The following VTI1A variants were observed in gnomAD, a reference collection of about 807,000 sequenced individuals.
VTI1A encodes vesicle transport through interaction with t-SNAREs homolog 1A.
In VTI1A, 22 loss-of-function variants were observed where a neutral mutation model predicts 34.9. That is an observed-to-expected ratio of 0.63 (90% CI 0.45 to 0.90). The LOEUF is 0.90. VTI1A is among the 40% of genes least tolerant of loss of function. The pLI, the probability that VTI1A is intolerant of heterozygous loss-of-function variation, is 0.00. For missense variants in VTI1A, 268 were observed against 275.6 expected, an observed-to-expected ratio of 0.97 and a Z score of 0.20; for synonymous variants, 87 against 97.3, an observed-to-expected ratio of 0.89 and a Z score of 0.62.
In VTI1A at chr10:112,651,914, G is replaced by A. The variant is rs7923060; in HGVS notation, c.428-16304G>A. On this transcript the variant is annotated intron_variant, in intron 5 of 7. Coordinates refer to ENST00000393077, the MANE Select transcript of VTI1A (RefSeq NM_145206.4). ...ACTTGGTATATTTCTGCAAACTTCCGCAGAACGTTAGCCTCAGCCAGAAAT... is the reference window on the plus strand; with the variant it reads ...ACTTGGTATATTTCTGCAAACTTCCACAGAACGTTAGCCTCAGCCAGAAAT... 4.8e-3 allele frequency among the ~76,000 whole-genome samples: 727 copies of A among 152,244 alleles called. 6 individuals carry two copies. Among genetic ancestry groups the A allele is most frequent in the African/African-American group, 0.017 (694 of 41,542 alleles).
chr10:112,686,581 C>G (rs7085980), intron 7 of VTI1A, among the ~76,000 whole-genome samples: 1 of 152,106 alleles, frequency 6.6e-6, no homozygotes, highest in African/African-American at 2.4e-5. Flanking sequence ...TGAATTCCGA[C>G]GTGCTAGTTT....
chr10:112,457,578 A>AG (rs1475349515), intron 1 of VTI1A, among the ~76,000 whole-genome samples: 10 of 152,234 alleles, frequency 6.6e-5, no homozygotes, highest in African/African-American at 2.2e-4. Context: ...GAGGTTTGCC[A>AG]GGTGGGCCTG....
At chr10:112,616,360 C>G (rs147443516) in intron 5 of VTI1A, among the ~76,000 whole-genome samples, 2 of 152,172 alleles carry the variant, frequency 1.3e-5, no homozygotes. Context: ...TAGCTAAATT[C>G]GAAACTCTTC....
chr10:112,704,849 C>T (rs1849138151), intron 7 of VTI1A, among the ~76,000 whole-genome samples: 1 of 151,838 alleles, frequency 6.6e-6, no homozygotes, highest in South Asian at 2.1e-4. Flanking sequence ...ATGGATACCT[C>T]TTATGAGGTA....
At chr10:112,540,505 T>C (rs1850826002) in intron 5 of VTI1A, among the ~76,000 whole-genome samples, 1 of 152,214 alleles carries the variant, frequency 6.6e-6, no homozygotes, top group South Asian at 2.1e-4. Flanking sequence ...TAAAGACAGA[T>C]GTGGCTCAGC....
intron 4 of VTI1A, among the ~76,000 whole-genome samples, chr10:112,529,655 C>G (rs1850356763): frequency 6.6e-6 from 1 of 151,730 alleles, no homozygotes; most frequent in South Asian, 2.1e-4. Context: ...GGAATACTAA[C>G]TATATAAATG....
chr10:112,846,358 G>C, the VTI1A span, among the ~76,000 whole-genome samples: 1 of 152,308 alleles, frequency 6.6e-6, no homozygotes, highest in East Asian at 1.9e-4. Context: ...CGGGAGATTG[G>C]CACAAGCACG....
intron 3 of VTI1A, among the ~76,000 whole-genome samples, chr10:112,471,171 G>T (rs903412756): frequency 6.6e-6 from 1 of 151,928 alleles, no homozygotes; most frequent in African/African-American, 2.4e-5. Context: ...TCTTCATTAC[G>T]GTGGCTTATC....
chr10:112,773,231 A>C (rs1164870233), intron 7 of VTI1A, among the ~76,000 whole-genome samples: 1 of 152,228 alleles, frequency 6.6e-6, no homozygotes, highest in Non-Finnish European at 1.5e-5. Context: ...TCTCTAAGGT[A>C]GGATAATAAT....
intron 3 of VTI1A, among the ~76,000 whole-genome samples, chr10:112,519,563 T>C (rs903679370): frequency 6.6e-6 from 1 of 152,104 alleles, no homozygotes; most frequent in Non-Finnish European, 1.5e-5. Context: ...TGATGATAAG[T>C]TGATAGAACT....
intron 7 of VTI1A, among the ~76,000 whole-genome samples, chr10:112,709,204 G>T (rs1849311769): frequency 1.3e-5 from 2 of 152,148 alleles, no homozygotes; most frequent in South Asian, 4.2e-4. Flanking sequence ...CCAGGAATTG[G>T]CTCCCTTTTT....
In VTI1A at chr10:112,818,068, C is replaced by T. The variant is rs928105161; in HGVS notation, c.*2685C>T. The T allele has an allele frequency of 4.3e-5, 10 of 233,332 alleles. No individual in the cohort carries two copies. Among genetic ancestry groups the T allele is most frequent in the Non-Finnish European group, 7.6e-5 (9 of 117,888 alleles). 14.5% of individuals were successfully genotyped at this position (233,332 alleles called of 1,614,324 possible). ...ATGCCTGCAAATGCAGTGGGTCTGACGTCAGCTGCCGGGCCTGGGCTGGGA... is the reference window on the plus strand; with the variant it reads ...ATGCCTGCAAATGCAGTGGGTCTGATGTCAGCTGCCGGGCCTGGGCTGGGA... On this transcript the variant is annotated 3_prime_UTR_variant, in exon 8 of 8. Transcript: ENST00000393077.
chr10:112,607,700 T>C (rs1323439208), intron 5 of VTI1A, among the ~76,000 whole-genome samples: 1 of 152,166 alleles, frequency 6.6e-6, no homozygotes, highest in Non-Finnish European at 1.5e-5. Flanking sequence ...TCTGACTCGG[T>C]CTCTCGGACT....
At chr10:112,810,687 C>G (rs949041604) in intron 7 of VTI1A, among the ~76,000 whole-genome samples, 2 of 152,182 alleles carry the variant, frequency 1.3e-5, no homozygotes, top group African/African-American at 4.8e-5. Context: ...ACCATCTCAG[C>G]CTCAGTCACA....
intron 7 of VTI1A, among the ~76,000 whole-genome samples, chr10:112,755,584 A>G (rs1851257050): frequency 6.6e-6 from 1 of 152,178 alleles, no homozygotes; most frequent in South Asian, 2.1e-4. Context: ...TAATCCCAAA[A>G]CAGTTTTCTG....
chr10:112,457,911 A>G (rs1040480179), intron 1 of VTI1A, among the ~76,000 whole-genome samples: 5 of 152,186 alleles, frequency 3.3e-5, no homozygotes, highest in Non-Finnish European at 7.3e-5. Context: ...AGAAACCACA[A>G]GATTAAATAA....
At position 112,568,405 on chromosome 10, in the gene VTI1A, G is replaced by C. The variant is rs571035464; in HGVS notation, c.427+30075G>C. On this transcript the variant is annotated intron_variant, in intron 5 of 7. Transcript: ENST00000393077. The stretch of plus-strand genomic sequence containing the variant: ...GCCTGTAATCCCAGTTACTCGAGAG[G>C]CTGAGGCAGGAGAATCTCTTGAGCC... 7.2e-5 allele frequency among the ~76,000 whole-genome samples: 11 copies of C among 152,170 alleles called. 1 individual carries two copies. Among genetic ancestry groups the C allele is most frequent in the African/African-American group, 2.4e-4 (10 of 41,502 alleles).
chr10:112,545,564 A>G (rs192653013), intron 5 of VTI1A, among the ~76,000 whole-genome samples: 21 of 152,356 alleles, frequency 1.4e-4, no homozygotes, highest in Non-Finnish European at 2.4e-4. Context: ...TTTTGCATCA[A>G]TCTAAAGAGG....
chr10:112,671,082 C>T lies in VTI1A; in HGVS notation c.560+2084C>T, dbSNP rs114498012. ...TGAAAAGGCACAAACATTTTGCCAA[C>T]CTCTCTGCTTCATTATTTTGGTTAT... On this transcript the variant is annotated intron_variant, in intron 7 of 7. Coordinates refer to ENST00000393077, the MANE Select transcript of VTI1A (RefSeq NM_145206.4). Among the ~76,000 whole-genome samples the T allele has an allele frequency of 7.4e-3, 1,127 of 152,294 alleles. 11 individuals carry two copies. The highest frequency in any genetic ancestry group is 0.026 in the African/African-American group (1,088 of 41,564).
Sources: allele counts gnomAD v4.1 joint callset (sites outside exome capture counted in the v4.1 genomes callset), GRCh38; gene constraint gnomAD v4.1.1; transcripts MANE v1.5; gene names NCBI Gene and HGNC (gene_info 2026-07-23, HGNC 2026-07-21).